The following ERFE variants were observed in gnomAD, a reference collection of about 807,000 sequenced individuals.
ERFE encodes complement C1q tumor necrosis factor-related protein 15.
Under a neutral mutation model 26.6 loss-of-function variants are expected in ERFE, and 25 were observed. The observed-to-expected ratio is 0.94, with a 90% CI of 0.69 to 1.31. The LOEUF (loss-of-function observed/expected upper bound fraction) is 1.31, where lower values mean the gene tolerates loss of function less well. ERFE is among the 40% of genes most tolerant of loss of function. ERFE has a pLI of 0.00. For synonymous variants in ERFE, 206 were observed against 204.5 expected (o/e 1.01, Z -0.06); for missense variants, 447 against 440.2 (o/e 1.02, Z -0.14).
At chr2:238,161,485 C>T (rs1208968616) in intron 1 of ERFE, 109 bp from the exon 2 acceptor site, 3 of 1,333,870 alleles carry the variant, frequency 2.2e-6, no homozygotes, top group Non-Finnish European at 2.9e-6. Context: ...TGACAAGGAC[C>T]AGGGTCCCAG....
Position 238,163,724 on chromosome 2 carries a change from C to T in ERFE, c.425-13C>T, listed in dbSNP as rs1319949142. 7 of 1,294,862 alleles carry T rather than the reference C, an allele frequency of 5.4e-6. No homozygotes were observed. The highest frequency in any genetic ancestry group is 6.3e-5 in the East Asian group (2 of 31,624). The allele number at this position is 1,294,862 out of a possible 1,614,324, so 80.2% of individuals were successfully genotyped here. ...GGGTCCCTGGCGCGCGGCCACCGCTCGCTCTGTGCCAGGTGCGGTGCGGCA... is the reference window on the plus strand; with the variant it reads ...GGGTCCCTGGCGCGCGGCCACCGCTTGCTCTGTGCCAGGTGCGGTGCGGCA... On this transcript the variant is annotated splice_polypyrimidine_tract_variant and intron_variant, in intron 3 of 7. Transcript: ENST00000546354.
At position 238,168,776 on chromosome 2, in the gene ERFE, A is replaced by AACTT. The variant is rs1218067322; in HGVS notation, c.*1724_*1727dup. The AACTT allele has an allele frequency of 5.3e-6, 1 of 187,418 alleles. No individual in the cohort carries two copies. Among genetic ancestry groups the AACTT allele is most frequent in the Non-Finnish European group, 1.1e-5 (1 of 88,436 alleles). The allele number at this position is 187,418 out of a possible 1,614,324, so 11.6% of individuals were successfully genotyped here. A position where few individuals can be genotyped will look rare whatever the true frequency, so the allele number is the denominator to read the frequency against. ...TCCACTGGGCACAGATATTCTAGAG[A>AACTT]ACTTATCTTTCACTCTTGTAAAAGC... On this transcript the variant is annotated 3_prime_UTR_variant, in exon 8 of 8. Coordinates refer to ENST00000546354, the MANE Select transcript of ERFE (RefSeq NM_001291832.2).
Position 238,161,610 on chromosome 2 carries a change from G to T in ERFE, c.215G>T (p.Arg72Leu), listed in dbSNP as rs1429717253. The change falls in exon 2 of 8, where the codon CGT (arginine) becomes CTT (leucine). Residue 72 changes from arginine to leucine, a missense_variant. By Grantham distance (102) the Arg-to-Leu change is moderately radical (BLOSUM62 -2). Transcript: ENST00000546354. ...GTGTTCCAGGAGCCCACCGCTGAGC[G>T]TGCACACAGCGTCGACCCCCGGGAC... is the stretch of plus-strand genomic sequence containing the variant. ...AARPPEPTAE[R>L]AHSVDPRDAW... is the part of the protein sequence containing the mutation. 11 of 1,541,690 alleles carry T rather than the reference G, an allele frequency of 7.1e-6. No homozygotes were observed. The highest frequency in any genetic ancestry group is 9.6e-6 in the Non-Finnish European group (11 of 1,140,192).
At chr2:238,160,331 C>A (rs936221123) in intron 1 of ERFE, among the ~76,000 whole-genome samples, 5 of 152,222 alleles carry the variant, frequency 3.3e-5, no homozygotes, top group Non-Finnish European at 5.9e-5. Flanking sequence ...GCTCTACCTG[C>A]AAACCACACT....
rs867546560 is a variant in ERFE, at chr2:238,159,152, G to C, written c.145G>C (p.Glu49Gln). Residue 49 changes from glutamate to glutamine, a missense_variant, in exon 1 of 8, where the codon GAG becomes CAG. By Grantham distance (29) the Glu-to-Gln change is conservative. Coordinates refer to ENST00000546354, the MANE Select transcript of ERFE (RefSeq NM_001291832.2). ...CCGCAGGGAGCCGCCGCCCGGGAACGAGCTGCCCCGGGGCCCCGGGGAGAG... is the reference window on the plus strand; with the variant it reads ...CCGCAGGGAGCCGCCGCCCGGGAACCAGCTGCCCCGGGGCCCCGGGGAGAG... ...RARREPPPGN[E>Q]LPRGPGESRA... 14 of 210,426 alleles carry C rather than the reference G, an allele frequency of 6.7e-5. No individual in the cohort carries two copies. Among genetic ancestry groups the C allele is most frequent in the African/African-American group, 3.3e-4 (14 of 42,380 alleles). The allele number at this position is 210,426 out of a possible 1,614,324, so 13.0% of individuals were successfully genotyped here.
chr2:238,164,634 C>G (rs1388562545), intron 6 of ERFE: 2 of 455,232 alleles, frequency 4.4e-6, no homozygotes, highest in Admixed American at 4.2e-5. Flanking sequence ...GCGGGCGGAT[C>G]ACGAGGTCAG....
At chr2:238,162,020 C>T (rs10169341) in intron 2 of ERFE, among the ~76,000 whole-genome samples, 10,365 of 152,310 alleles carry the variant, frequency 0.068, 536 homozygotes, top group African/African-American at 0.15. Flanking sequence ...CTGGAGGGGC[C>T]TGCAGGAGTG....
At position 238,163,938 on chromosome 2, in the gene ERFE, G is replaced by A. The variant is rs1423042455; in HGVS notation, c.626G>A (p.Arg209His). The A allele has an allele frequency of 7.3e-7, 1 of 1,368,470 alleles. No homozygotes were observed. The highest frequency in any genetic ancestry group is 9.4e-7 in the Non-Finnish European group (1 of 1,067,662). The allele number at this position is 1,368,470 out of a possible 1,614,324, so 84.8% of individuals were successfully genotyped here. A position where few individuals can be genotyped will look rare whatever the true frequency, so the allele number is the denominator to read the frequency against. Residue 209 changes from arginine (R) to histidine (H), a missense_variant, in exon 4 of 8, where the codon CGC becomes CAC. Coordinates refer to ENST00000546354, the MANE Select transcript of ERFE (RefSeq NM_001291832.2). The part of the protein sequence containing the change: ...APRVEAAFLC[R>H]LRRDALVERR... ...CGCGTGGAGGCCGCTTTCCTCTGCC[G>A]CCTGCGCCGGGACGCGTTGGTGGAG...
chr2:238,161,800 CATTT>C, intron 2 of ERFE, 84 bp downstream of exon 2: 1 of 1,432,226 alleles, frequency 7.0e-7, no homozygotes, highest in Non-Finnish European at 9.3e-7. Context: ...ACATCCTGAA[CATTT>C]CCAATAGCAC....
chr2:238,164,041 C>T, intron 4 of ERFE, 34 bp from the exon 5 acceptor site: 1 of 1,380,504 alleles, frequency 7.2e-7, no homozygotes, highest in Non-Finnish European at 9.3e-7. Context: ...TCCGGCCGGG[C>T]GGGAGCCGGG....
In ERFE at chr2:238,167,151, A is replaced by C. The variant is rs530107870; in HGVS notation, c.*97A>C. 223 of 1,284,882 alleles carry C rather than the reference A, an allele frequency of 1.7e-4. 1 individual carries two copies. Among genetic ancestry groups the C allele is most frequent in the African/African-American group, 3.8e-4 (26 of 68,222 alleles). 79.6% of individuals were successfully genotyped at this position (1,284,882 alleles called of 1,614,324 possible). On this transcript the variant is annotated 3_prime_UTR_variant, in exon 8 of 8. Transcript: ENST00000546354. The stretch of plus-strand genomic sequence containing the variant: ...AGTAGCAGTGGCCACATGGAGGAGG[A>C]GGCCCACCCGGAACTCTGCCCACAC...
At position 238,167,519 on chromosome 2, in the gene ERFE, C is replaced by T. The variant is rs758261110; in HGVS notation, c.*465C>T. On this transcript the variant is annotated 3_prime_UTR_variant, in exon 8 of 8. Coordinates refer to ENST00000546354, the MANE Select transcript of ERFE (RefSeq NM_001291832.2). ...AGGGCTGAGGGGGCTGCCACAGGGACGTACGCTGTGTGTTCTTACTGCTTA... is the reference window on the plus strand; with the variant it reads ...AGGGCTGAGGGGGCTGCCACAGGGATGTACGCTGTGTGTTCTTACTGCTTA... 8 of 455,830 alleles carry T rather than the reference C, an allele frequency of 1.8e-5. No individual in the cohort carries two copies. Among genetic ancestry groups the T allele is most frequent in the East Asian group, 6.9e-5 (1 of 14,464 alleles). The allele number at this position is 455,830 out of a possible 1,614,324, so 28.2% of individuals were successfully genotyped here. A position where few individuals can be genotyped will look rare whatever the true frequency, so the allele number is the denominator to read the frequency against.
In ERFE at chr2:238,161,754, G is replaced by C. The variant is rs747176422; in HGVS notation, c.321+38G>C. 1.8e-5 allele frequency: 27 copies of C among 1,514,588 alleles called. No individual in the cohort carries two copies. The South Asian group carries it at 3.2e-4, about 18-fold the overall frequency. The allele number at this position is 1,514,588 out of a possible 1,614,324, so 93.8% of individuals were successfully genotyped here. A position where few individuals can be genotyped will look rare whatever the true frequency, so the allele number is the denominator to read the frequency against. ...TCCCGTCAGTGCCAGGCCGTGGGGG[G>C]TTCCGCCTCCTCGCTCCTCATCCAC... On this transcript the variant is annotated intron_variant, in intron 2 of 7. Transcript: ENST00000546354.
At chr2:238,166,321 G>A (rs369440545) in intron 7 of ERFE, among the ~76,000 whole-genome samples, 1 of 152,376 alleles carries the variant, frequency 6.6e-6, no homozygotes, top group East Asian at 1.9e-4. Context: ...AGCCAGAAAT[G>A]GAGGCCAGGC....
In ERFE at chr2:238,164,375, G is replaced by A; in HGVS notation, c.887+15G>A. Reference sequence around the variant, plus strand: ...CAGCGCAACGCGTGAGTGTACCCCGGCCCGGACCCCACACCCGCATTCGCT... The same window carrying A: ...CAGCGCAACGCGTGAGTGTACCCCGACCCGGACCCCACACCCGCATTCGCT... On this transcript the variant is annotated intron_variant, in intron 6 of 7. Transcript: ENST00000546354. 6.5e-7 allele frequency: 1 copy of A among 1,542,648 alleles called. No individual in the cohort carries two copies. The highest frequency in any genetic ancestry group is 8.7e-7 in the Non-Finnish European group (1 of 1,145,306).
intron 2 of ERFE, 109 bp downstream of exon 2, chr2:238,161,825 C>A: frequency 7.3e-7 from 1 of 1,365,028 alleles, no homozygotes; most frequent in Non-Finnish European, 9.6e-7. Context: ...ACCCCTCACG[C>A]CTCGGCCTGG....
intron 1 of ERFE, among the ~76,000 whole-genome samples, chr2:238,160,389 C>T (rs138185411): frequency 1.3e-5 from 2 of 152,320 alleles, no homozygotes; most frequent in Admixed American, 6.5e-5. Flanking sequence ...GGAGGGTCAG[C>T]TGGGCACACC....
At chr2:238,162,920 A>G in intron 3 of ERFE, 82 bp downstream of exon 3, 1 of 1,127,208 alleles carries the variant, frequency 8.9e-7, no homozygotes. Flanking sequence ...TGACAGGGCC[A>G]ACCTCAACAC....
intron 7 of ERFE, among the ~76,000 whole-genome samples, chr2:238,166,139 C>T (rs1357570418): frequency 6.6e-6 from 1 of 152,242 alleles, no homozygotes; most frequent in Non-Finnish European, 1.5e-5. Flanking sequence ...GTGACCATCT[C>T]TGGCACTGTG....
Sources: gnomAD v4.1 joint callset for allele counts (sites outside exome capture counted in the v4.1 genomes callset) on GRCh38, gnomAD v4.1.1 for gene constraint, MANE v1.5 for transcripts, NCBI Gene and HGNC (gene_info 2026-07-23, HGNC 2026-07-21) for gene names.